The following DLG2 variants were observed in gnomAD, a reference collection of about 807,000 sequenced individuals.
DLG2 encodes discs large MAGUK scaffold protein 2, also known as disks large homolog 2.
A neutral mutation model predicts 132.5 loss-of-function variants in DLG2; 45 were observed. The observed-to-expected ratio is 0.34, with a 90% CI of 0.27 to 0.44. The LOEUF (loss-of-function observed/expected upper bound fraction) is 0.44, where lower values mean the gene tolerates loss of function less well. Among genes scored for constraint, DLG2 ranks in the 20% least tolerant of loss-of-function variants. The probability of loss-of-function intolerance (pLI) is 1.00; values close to 1 mark genes in which losing one functional copy is unlikely to be tolerated. For missense variants in DLG2, 1,045 were observed against 1,196.9 expected, an observed-to-expected ratio of 0.87 and a Z score of 1.87; for synonymous variants, 424 against 419.6, an observed-to-expected ratio of 1.01 and a Z score of -0.13.
At chr11:84,442,446 C>G (rs1385867749) in intron 7 of DLG2, among the ~76,000 whole-genome samples, 1 of 152,058 alleles carries the variant, frequency 6.6e-6, no homozygotes, top group Non-Finnish European at 1.5e-5. Context: ...CCAAATACCA[C>G]ATGTTCTCAC....
Position 84,651,557 on chromosome 11 carries a change from G to A in DLG2, c.358-116826C>T, listed in dbSNP as rs575794775. Among the ~76,000 whole-genome samples, 60 of 152,244 alleles carry A rather than the reference G, an allele frequency of 3.9e-4. 1 individual carries two copies. The highest frequency in any genetic ancestry group is 3.3e-3 in the South Asian group (16 of 4,824). On this transcript the variant is annotated intron_variant, in intron 6 of 27. Transcript: ENST00000376104. ...CAAAGGTCACTCCTCTTCTGTCTCC[G>A]GGTGAATTTCACACTGCTTGAGATG... is the stretch of plus-strand genomic sequence containing the variant.
rs189912566 is a variant in DLG2 at position 85,590,266 on chromosome 11, T to C, written c.40+8391A>G. ...ATTTGGCTGAATTAGAACTGGTCCCTGCATTCAAGAAGCTCACAGTCTGCT... is the reference window on the plus strand; with the variant it reads ...ATTTGGCTGAATTAGAACTGGTCCCCGCATTCAAGAAGCTCACAGTCTGCT... On this transcript the variant is annotated intron_variant, in intron 3 of 27. Coordinates refer to ENST00000376104, the MANE Select transcript of DLG2 (RefSeq NM_001142699.3). Among the ~76,000 whole-genome samples the C allele has an allele frequency of 1.1e-4, 17 of 152,316 alleles. No homozygotes were observed. The East Asian group carries it at 3.3e-3, about 29-fold the overall frequency.
intron 4 of DLG2, among the ~76,000 whole-genome samples, chr11:85,185,234 T>A (rs2080006349): frequency 6.6e-6 from 1 of 152,004 alleles, no homozygotes; most frequent in Non-Finnish European, 1.5e-5. Context: ...TTTTACCCTT[T>A]TACTCTTCTC....
intron 3 of DLG2, among the ~76,000 whole-genome samples, chr11:85,464,965 T>C (rs1389729594): frequency 6.6e-6 from 1 of 150,598 alleles, no homozygotes; most frequent in Non-Finnish European, 1.5e-5. Context: ...TCCCAGCTAC[T>C]TGGGAGGCTG....
At chr11:83,652,869 T>C (rs1159824293) in intron 18 of DLG2, among the ~76,000 whole-genome samples, 1 of 152,230 alleles carries the variant, frequency 6.6e-6, no homozygotes. Flanking sequence ...TTGAGTTTCA[T>C]ATCCCACCAA....
chr11:85,481,998 G>T (rs1055895066), intron 3 of DLG2, among the ~76,000 whole-genome samples: 60 of 151,932 alleles, frequency 3.9e-4, no homozygotes, highest in Admixed American at 3.9e-4. Context: ...ACAGCACAAG[G>T]CTAAGCCCAG....
At chr11:84,970,754 A>G (rs1468474651) in intron 6 of DLG2, among the ~76,000 whole-genome samples, 1 of 152,166 alleles carries the variant, frequency 6.6e-6, no homozygotes, top group African/African-American at 2.4e-5. Flanking sequence ...CTTCCACCAA[A>G]ATACTCCTCT....
intron 17 of DLG2, among the ~76,000 whole-genome samples, chr11:83,817,889 T>TA (rs1156541470): frequency 6.6e-6 from 1 of 152,118 alleles, no homozygotes; most frequent in Non-Finnish European, 1.5e-5. Context: ...AATAAATAAA[T>TA]AAAATAAAGG....
At chr11:83,946,509 G>A (rs949289874) in intron 14 of DLG2, among the ~76,000 whole-genome samples, 2 of 152,214 alleles carry the variant, frequency 1.3e-5, no homozygotes, top group East Asian at 3.8e-4. Flanking sequence ...GGCTATCAGA[G>A]TTGAGAACTA....
rs1205056448 is a variant in DLG2 at position 84,699,285 on chromosome 11, A to C, written c.358-164554T>G. ...GATTTTCTCCAAATGTTAGTGGTGTAGAAATTTACTTAACTTGAAGAGCTA... is the reference window on the plus strand; with the variant it reads ...GATTTTCTCCAAATGTTAGTGGTGTCGAAATTTACTTAACTTGAAGAGCTA... On this transcript the variant is annotated intron_variant, in intron 6 of 27. Coordinates refer to ENST00000376104, the MANE Select transcript of DLG2 (RefSeq NM_001142699.3). Among the ~76,000 whole-genome samples the C allele has an allele frequency of 2.0e-5, 3 of 151,646 alleles. No homozygotes were observed. The Admixed American group carries it at 2.0e-4, about 10-fold the overall frequency.
chr11:84,322,596 AT>A (rs59443223), intron 7 of DLG2, among the ~76,000 whole-genome samples: 25 of 149,084 alleles, frequency 1.7e-4, no homozygotes, highest in Non-Finnish European at 3.3e-4. Flanking sequence ...TTTCACAAGA[AT>A]TTTTTTTTTT....
At position 83,739,082 on chromosome 11, in the gene DLG2, C is replaced by T. The variant is rs1323320077; in HGVS notation, c.1825+47608G>A. On this transcript the variant is annotated intron_variant, in intron 18 of 27. Coordinates refer to ENST00000376104, the MANE Select transcript of DLG2 (RefSeq NM_001142699.3). ...TCTCTCTTTTTTTAAGGATTGTAGG[C>T]ATCTTGAGGAAAGAGAGACATTCAC... Among the ~76,000 whole-genome samples, 5 of 152,016 alleles carry T rather than the reference C, an allele frequency of 3.3e-5. No individual in the cohort carries two copies. In the East Asian group the frequency reaches 5.8e-4, roughly 18 times the overall value.
At chr11:84,877,512 CTTTT>C (rs60339036) in intron 6 of DLG2, among the ~76,000 whole-genome samples, 2 of 57,444 alleles carry the variant, frequency 3.5e-5, no homozygotes, top group Non-Finnish European at 5.8e-5. Context: ...GCAACCCCTG[CTTTT>C]TTTTTTTTTT....
chr11:84,221,419 G>A (rs148045159), intron 8 of DLG2, among the ~76,000 whole-genome samples: 4,703 of 152,054 alleles, frequency 0.031, 126 homozygotes, highest in East Asian at 0.14. Context: ...AGCTGAGATC[G>A]CACCACTGCA....
chr11:84,851,367 G>A (rs1036217179), intron 6 of DLG2, among the ~76,000 whole-genome samples: 3 of 151,962 alleles, frequency 2.0e-5, no homozygotes, highest in Non-Finnish European at 4.4e-5. Flanking sequence ...ATGAGTATAT[G>A]ACCTGTAATA....
chr11:84,919,734 CGTCA>C (rs1309631089), intron 6 of DLG2, among the ~76,000 whole-genome samples: 1 of 152,228 alleles, frequency 6.6e-6, no homozygotes, highest in Non-Finnish European at 1.5e-5. Flanking sequence ...AGAAAATTAT[CGTCA>C]GTATCACTAC....
At chr11:84,536,077 A>C (rs10501567) in intron 6 of DLG2, among the ~76,000 whole-genome samples, 1 of 152,214 alleles carries the variant, frequency 6.6e-6, no homozygotes, top group South Asian at 2.1e-4. Context: ...GCAGATTATC[A>C]ATACTTACAC....
chr11:84,068,514 A>C (rs2096711204), intron 10 of DLG2, among the ~76,000 whole-genome samples: 1 of 150,608 alleles, frequency 6.6e-6, no homozygotes, highest in African/African-American at 2.4e-5. Context: ...TTAGGTACTT[A>C]GTGAAAAATA....
intron 6 of DLG2, chr11:85,020,975 G>T: frequency 7.7e-6 from 6 of 778,348 alleles, no homozygotes; most frequent in Non-Finnish European, 1.4e-5. Flanking sequence ...TCACGGAGCT[G>T]CTGCTCTGCT....
Sources: gnomAD v4.1 joint callset for allele counts (sites outside exome capture counted in the v4.1 genomes callset) on GRCh38, gnomAD v4.1.1 for gene constraint, MANE v1.5 for transcripts, NCBI Gene and HGNC (gene_info 2026-07-23, HGNC 2026-07-21) for gene names.